The following RNF128 variants were observed in gnomAD, a reference collection of about 807,000 sequenced individuals.
RNF128 encodes the protein E3 ubiquitin-protein ligase RNF128.
RNF128 carries 13 observed loss-of-function variants against 26.2 expected under a neutral mutation model. That is an observed-to-expected ratio of 0.50 (90% confidence interval 0.32 to 0.79). The LOEUF (loss-of-function observed/expected upper bound fraction) is 0.79, where lower values mean the gene tolerates loss of function less well. Among genes scored for constraint, RNF128 ranks in the 30% least tolerant of loss-of-function variants. The probability of loss-of-function intolerance (pLI) is 0.03; values close to 1 mark genes in which losing one functional copy is unlikely to be tolerated. For synonymous variants in RNF128, 149 were observed against 142.5 expected (o/e 1.05, Z -0.32); for missense variants, 315 against 349.7 (o/e 0.90, Z 0.79).
upstream of RNF128, among the ~76,000 whole-genome samples, chrX:106,722,581 T>C (rs776066210): frequency 1.8e-5 from 2 of 111,915 alleles, no homozygotes; most frequent in Non-Finnish European, 3.8e-5. Context: ...AGAGTGGAAG[T>C]ACTTTGTTGC....
At chrX:106,765,047 CTACAT>C (rs1166494174) in intron 1 of RNF128, among the ~76,000 whole-genome samples, 1 of 111,705 alleles carries the variant, frequency 9.0e-6, no homozygotes, top group African/African-American at 3.3e-5. Context: ...CAGAGGGTCT[CTACAT>C]TTCAGACTCC....
At chrX:106,772,047 T>C (rs1930382441) in intron 1 of RNF128, among the ~76,000 whole-genome samples, 1 of 112,120 alleles carries the variant, frequency 8.9e-6, no homozygotes, top group Non-Finnish European at 1.9e-5. Flanking sequence ...TGGTCTCAGG[T>C]CATATAAACT....
chrX:106,794,222 G>A (rs1442986405), intron 6 of RNF128, among the ~76,000 whole-genome samples: 2 of 110,002 alleles, frequency 1.8e-5, no homozygotes, highest in Admixed American at 9.8e-5. Flanking sequence ...CATTCTCATC[G>A]TTTATCCCTT....
At chrX:106,764,998 G>C (rs777440199) in intron 1 of RNF128, among the ~76,000 whole-genome samples, 1 of 111,534 alleles carries the variant, frequency 9.0e-6, no homozygotes, top group East Asian at 2.8e-4. Context: ...ATCCATAAGG[G>C]ATATTTGGGT....
chrX:106,767,307 A>T (rs369375431), intron 1 of RNF128, among the ~76,000 whole-genome samples: 1 of 111,664 alleles, frequency 9.0e-6, no homozygotes, highest in Non-Finnish European at 1.9e-5. Context: ...CCTTGGGCAG[A>T]ATGGCCATTT....
At chrX:106,782,896 C>T (rs923909441) in intron 2 of RNF128, among the ~76,000 whole-genome samples, 4 of 111,175 alleles carry the variant, frequency 3.6e-5, no homozygotes, top group Non-Finnish European at 7.6e-5. Flanking sequence ...ATGTCGGGCT[C>T]GGTAATCTAA....
intron 2 of RNF128, among the ~76,000 whole-genome samples, chrX:106,780,981 A>G (rs966825967): frequency 8.0e-5 from 9 of 112,807 alleles, no homozygotes; most frequent in African/African-American, 2.9e-4. Flanking sequence ...TAAAGGTTCA[A>G]TTAATTTGTA....
At chrX:106,789,709 T>C (rs1930786488) in intron 4 of RNF128, among the ~76,000 whole-genome samples, 1 of 108,261 alleles carries the variant, frequency 9.2e-6, no homozygotes, top group Non-Finnish European at 1.9e-5. Flanking sequence ...TTTTAAATTA[T>C]CCCTCTCCTG....
chrX:106,734,271 G>A (rs1033000410), intron 1 of RNF128, among the ~76,000 whole-genome samples: 17 of 110,850 alleles, frequency 1.5e-4, no homozygotes, highest in African/African-American at 4.9e-4. Context: ...CTTCACCGAG[G>A]TTTACATTGA....
intron 1 of RNF128, among the ~76,000 whole-genome samples, chrX:106,746,784 G>T (rs1163829727): frequency 9.0e-6 from 1 of 111,198 alleles, no homozygotes; most frequent in Non-Finnish European, 1.9e-5. Context: ...CTACTTAATT[G>T]CTACCTATTT....
At chrX:106,702,622 T>C (rs962017443) in intron 1 of RNF128, among the ~76,000 whole-genome samples, 1 of 112,170 alleles carries the variant, frequency 8.9e-6, no homozygotes, top group Non-Finnish European at 1.9e-5. Flanking sequence ...TATAAACAAA[T>C]TATATCTGTT....
At chrX:106,740,212 C>CTGT (rs762720173) in intron 1 of RNF128, among the ~76,000 whole-genome samples, 99 of 111,279 alleles carry the variant, frequency 8.9e-4, no homozygotes, top group African/African-American at 2.8e-3. Flanking sequence ...TTTTTAGCCT[C>CTGT]TGTTGTTGTT....
At chrX:106,782,788 A>C (rs1930588119) in intron 2 of RNF128, among the ~76,000 whole-genome samples, 1 of 111,633 alleles carries the variant, frequency 9.0e-6, no homozygotes, top group Admixed American at 9.5e-5. Flanking sequence ...AGCTACTTTG[A>C]TATAACTCTG....
Position 106,715,217 on chromosome X carries a change from A to G in RNF128, c.406+20809A>G, listed in dbSNP as rs766134904. Among the ~76,000 whole-genome samples, 38 of 111,887 alleles carry G rather than the reference A, an allele frequency of 3.4e-4. 1 individual carries two copies. Among genetic ancestry groups the G allele is most frequent in the Admixed American group, 2.0e-3 (21 of 10,557 alleles). Reference sequence around the variant, plus strand: ...CCTTAACAACATTTGGTGTAGACACATTATTTTTTTTAATTTTAGCCATTC... The same window carrying G: ...CCTTAACAACATTTGGTGTAGACACGTTATTTTTTTTAATTTTAGCCATTC... On this transcript the variant is annotated intron_variant, in intron 1 of 6. Coordinates refer to the RNF128 transcript ENST00000324342.
chrX:106,737,902 C>T (rs915075354), intron 1 of RNF128, among the ~76,000 whole-genome samples: 7 of 112,124 alleles, frequency 6.2e-5, no homozygotes, highest in African/African-American at 1.9e-4. Context: ...TCACCAATTA[C>T]CTCCCTTGGC....
chrX:106,720,570 G>T (rs1004236435), intron 1 of RNF128, among the ~76,000 whole-genome samples: 1 of 110,084 alleles, frequency 9.1e-6, no homozygotes, highest in Non-Finnish European at 1.9e-5. Flanking sequence ...TGGTGAGGGG[G>T]TTCTTAGCAT....
Position 106,795,734 on chromosome X carries a change from T to C in RNF128, c.*21T>C. On this transcript the variant is annotated 3_prime_UTR_variant, in exon 7 of 7. Coordinates refer to ENST00000255499, the MANE Select transcript of RNF128 (RefSeq NM_194463.2). The stretch of plus-strand genomic sequence containing the variant: ...CTTAAAATCTGTGTAAATAGAAAAC[T>C]TGAACCATTAGTAATAACAGAACTG... The C allele has an allele frequency of 8.6e-7, 1 of 1,161,836 alleles. No homozygotes were observed. The highest frequency in any genetic ancestry group is 1.2e-6 in the Non-Finnish European group (1 of 864,954).
intron 1 of RNF128, among the ~76,000 whole-genome samples, chrX:106,752,379 G>A (rs185544711): frequency 2.6e-3 from 297 of 112,426 alleles, no homozygotes; most frequent in Non-Finnish European, 4.0e-3. Flanking sequence ...GAGAAAGTAA[G>A]GGAAGAGAAC....
At chrX:106,695,246 A>G (rs1928857499) in intron 1 of RNF128, among the ~76,000 whole-genome samples, 1 of 111,322 alleles carries the variant, frequency 9.0e-6, no homozygotes, top group Non-Finnish European at 1.9e-5. Flanking sequence ...AAAAAGGAAT[A>G]ATTTCAATCA....
Sources: allele counts gnomAD v4.1 joint callset (sites outside exome capture counted in the v4.1 genomes callset), GRCh38; gene constraint gnomAD v4.1.1; transcripts MANE v1.5; gene names NCBI Gene and HGNC (gene_info 2026-07-23, HGNC 2026-07-21).